The following ZNF790 variants were observed in gnomAD, a reference collection of about 807,000 sequenced individuals.
The protein encoded by ZNF790 is zinc finger protein 790.
A neutral mutation model predicts 12.1 loss-of-function variants in ZNF790; 8 were observed. That is an observed-to-expected ratio of 0.66 (90% CI 0.39 to 1.19). The LOEUF (loss-of-function observed/expected upper bound fraction) is 1.19, where lower values mean the gene tolerates loss of function less well. Among genes scored for constraint, ZNF790 ranks in the 50% most tolerant of loss-of-function variants. The pLI is 0.01. For missense variants in ZNF790, 707 were observed against 752.2 expected, an observed-to-expected ratio of 0.94 and a Z score of 0.70; for synonymous variants, 252 against 244.3, an observed-to-expected ratio of 1.03 and a Z score of -0.29.
At chr19:36,842,412 T>A (rs1337826601), upstream of ZNF790, among the ~76,000 whole-genome samples, 1 of 152,146 alleles carries the variant, frequency 6.6e-6, no homozygotes, top group Non-Finnish European at 1.5e-5. Context: ...TATAAAGTGC[T>A]CATACATTTC....
chr19:36,824,701 A>T (rs1364606786), intron 2 of ZNF790, among the ~76,000 whole-genome samples: 1 of 152,176 alleles, frequency 6.6e-6, no homozygotes, highest in Non-Finnish European at 1.5e-5. Flanking sequence ...TTTTTTGTTG[A>T]TACCACTGAG....
At chr19:36,833,909 G>GTTT (rs1185112738) in intron 1 of ZNF790, among the ~76,000 whole-genome samples, 5 of 152,092 alleles carry the variant, frequency 3.3e-5, no homozygotes. Context: ...AAATGATAAT[G>GTTT]ATCAGACTAC....
rs1342878753 is a variant in ZNF790, at chr19:36,819,394, T to C, written c.950A>G (p.Lys317Arg). The C allele has an allele frequency of 3.7e-6, 6 of 1,612,924 alleles. No homozygotes were observed. The highest frequency in any genetic ancestry group is 5.1e-6 in the Non-Finnish European group (6 of 1,179,344). The change falls in exon 5 of 5, where the codon AAG becomes AGG. Residue 317 changes from lysine (K) to arginine (R), a missense_variant. Transcript: ENST00000356725. The part of the protein sequence containing the change: ...EKPYECNECR[K>R]AFSQRSHLIK... ...AAGATGTGATCGCTGACTAAAGGCC[T>C]TTCTACATTCATTACATTCATAGGG... is the stretch of plus-strand genomic sequence containing the variant.
At chr19:36,844,504 A>G (rs1351689648) in intron 1 of ZNF790, among the ~76,000 whole-genome samples, 1 of 152,122 alleles carries the variant, frequency 6.6e-6, no homozygotes, top group African/African-American at 2.4e-5. Flanking sequence ...ATTGGTATGT[A>G]TAATTGAAGT....
chr19:36,827,461 C>T (rs141893442), intron 1 of ZNF790, among the ~76,000 whole-genome samples: 1 of 151,988 alleles, frequency 6.6e-6, no homozygotes. Flanking sequence ...AAAGTTCAAC[C>T]TGTTTTTGCG....
intron 1 of ZNF790, among the ~76,000 whole-genome samples, chr19:36,830,036 T>C (rs1484407739): frequency 1.3e-5 from 2 of 152,206 alleles, no homozygotes; most frequent in Non-Finnish European, 2.9e-5. Context: ...CAGTGTCTTT[T>C]ATTTCTTTTA....
chr19:36,825,457 G>A (rs1193511336), intron 2 of ZNF790, among the ~76,000 whole-genome samples, 154 bp downstream of exon 2: 1 of 152,190 alleles, frequency 6.6e-6, no homozygotes, highest in Non-Finnish European at 1.5e-5. Flanking sequence ...GGAGAAAAGA[G>A]GGATATCTAG....
rs4369791 is a variant in ZNF790 at position 36,818,888 on chromosome 19, T to A, written c.1456A>T (p.Thr486Ser). The A allele has an allele frequency of 6.7e-4, 1,085 of 1,611,258 alleles. 5 individuals are homozygous for A. The African/African-American group carries it at 0.013, about 20-fold the overall frequency. ...RNYECKECGK[T>S]FFRGSELNRH... ...TTAAGTTCTGAACCACGAAAAAAGG[T>A]CTTTCCACATTCCTTACATTCATAG... Residue 486 changes from threonine to serine, a missense_variant, in exon 5 of 5, where the codon ACC (threonine) becomes TCC (serine). Coordinates refer to ENST00000356725, the MANE Select transcript of ZNF790 (RefSeq NM_206894.4).
chr19:36,841,095 A>AT (rs1295133052), upstream of ZNF790, among the ~76,000 whole-genome samples: 1 of 152,228 alleles, frequency 6.6e-6, no homozygotes, highest in Non-Finnish European at 1.5e-5. Context: ...ACCAGAGGTG[A>AT]TTTTGTTCTC....
In ZNF790 at chr19:36,819,109, T is replaced by A; in HGVS notation, c.1235A>T (p.His412Leu). ...AYIWSSHLAR[H>L]QRIHTGRKPY... Reference sequence around the variant, plus strand: ...TTTCCTGCCAGTATGAATTCGCTGATGTCGAGCAAGGTGTGAGCTCCAAAT... The same window carrying A: ...TTTCCTGCCAGTATGAATTCGCTGAAGTCGAGCAAGGTGTGAGCTCCAAAT... The change falls in exon 5 of 5, where the codon CAT becomes CTT. Residue 412 changes from histidine to leucine, a missense_variant. Transcript: ENST00000356725. The A allele has an allele frequency of 6.2e-7, 1 of 1,613,566 alleles. No homozygotes were observed.
intron 1 of ZNF790, among the ~76,000 whole-genome samples, chr19:36,829,758 G>A (rs2071908943): frequency 6.6e-6 from 1 of 151,964 alleles, no homozygotes; most frequent in African/African-American, 2.4e-5. Flanking sequence ...GTAGAGACGG[G>A]GTTTCTTCAT....
intron 1 of ZNF790, among the ~76,000 whole-genome samples, chr19:36,845,965 C>A (rs1233063003): frequency 1.3e-5 from 2 of 151,978 alleles, no homozygotes; most frequent in Non-Finnish European, 2.9e-5. Context: ...TGCACCACCA[C>A]ACTTGGCTAA....
At chr19:36,836,460 A>AC (rs2072047116) in intron 1 of ZNF790, among the ~76,000 whole-genome samples, 1 of 151,900 alleles carries the variant, frequency 6.6e-6, no homozygotes, top group Non-Finnish European at 1.5e-5. Context: ...CCTAAAAAAA[A>AC]AACACACACA....
rs753772022 is a variant in ZNF790, at chr19:36,819,228, T to G, written c.1116A>C (p.Gly372=). 6.2e-7 allele frequency: 1 copy of G among 1,614,044 alleles called. No homozygotes were observed. The highest frequency in any genetic ancestry group is 1.1e-5 in the South Asian group (1 of 91,074). Residue 372 remains glycine, a synonymous_variant, in exon 5 of 5, where the codon GGA becomes GGC. Transcript: ENST00000356725. ...GATTTGAACCACGAATAAAGGCTTT[T>G]CCACATTCCTTACACTCATGAGATT... The part of the protein sequence containing the change: ...GEKSHECKEC[G]KAFIRGSNLA...
In ZNF790 at chr19:36,818,232, A is replaced by G; in HGVS notation, c.*201T>C. The G allele has an allele frequency of 4.7e-6, 2 of 427,700 alleles. No individual in the cohort carries two copies. The highest frequency in any genetic ancestry group is 3.9e-5 in the Admixed American group (1 of 25,540). The allele number at this position is 427,700 out of a possible 1,614,324, so 26.5% of individuals were successfully genotyped here. On this transcript the variant is annotated 3_prime_UTR_variant, in exon 5 of 5. Coordinates refer to ENST00000356725, the MANE Select transcript of ZNF790 (RefSeq NM_206894.4). ...ATTTTACCCTGATATTCTGCAATTG[A>G]TAACTGATCAGTAATTTCTTTCCTA...
At chr19:36,823,420 AAG>A (rs1427643774) in intron 3 of ZNF790, 40 bp from the exon 4 acceptor site, 1 of 1,583,490 alleles carries the variant, frequency 6.3e-7, no homozygotes, top group Admixed American at 1.8e-5. Flanking sequence ...CCACATTGTA[AAG>A]ATTCTAAAAT....
Position 36,819,941 on chromosome 19 carries a change from C to T in ZNF790, c.403G>A (p.Glu135Lys), listed in dbSNP as rs773767099. 7.4e-6 allele frequency: 12 copies of T among 1,614,132 alleles called. No individual in the cohort carries two copies. The highest frequency in any genetic ancestry group is 1.0e-5 in the Non-Finnish European group (12 of 1,180,020). ...TQFQTLQDNQ[E>K]ECFKQVIRTC... ...CGTATCACCTGCTTGAAGCATTCCT[C>T]TTGATTATCTTGAAGTGTTTGAAAC... The change falls in exon 5 of 5, where the codon GAG (glutamate) becomes AAG (lysine). Residue 135 changes from glutamate to lysine, a missense_variant. Coordinates refer to ENST00000356725, the MANE Select transcript of ZNF790 (RefSeq NM_206894.4).
intron 1 of ZNF790, among the ~76,000 whole-genome samples, chr19:36,826,581 C>CA (rs34066712): frequency 7.7e-4 from 101 of 130,698 alleles, no homozygotes; most frequent in Admixed American, 1.2e-3. Context: ...GACTCGGTCT[C>CA]AAAAAAAAAA....
rs201218573 is a variant in ZNF790 at position 36,823,356 on chromosome 19, G to A, written c.158C>T (p.Ala53Val). 5.0e-5 allele frequency: 81 copies of A among 1,614,016 alleles called. No individual in the cohort carries two copies. The East Asian group carries it at 1.5e-3, about 29-fold the overall frequency. ...SLGFCIYQPE[A>V]FSLLEKGKEP... ...TTTCCCTTTCTCCAATAAAGAGAAC[G>A]CTTCTGGCTGATAAATGCAAAAACC... The change falls in exon 4 of 5, where the codon GCG (alanine) becomes GTG (valine). Residue 53 changes from alanine (A) to valine (V), a missense_variant. Physicochemically the swap from Ala to Val is moderately conservative, Grantham distance 64. Coordinates refer to ENST00000356725, the MANE Select transcript of ZNF790 (RefSeq NM_206894.4).
Sources: gnomAD v4.1 joint callset for allele counts (sites outside exome capture counted in the v4.1 genomes callset) on GRCh38, gnomAD v4.1.1 for gene constraint, MANE v1.5 for transcripts, NCBI Gene and HGNC (gene_info 2026-07-23, HGNC 2026-07-21) for gene names.